The following HADHA variants were observed in gnomAD, a reference collection of about 807,000 sequenced individuals.
HADHA encodes the protein hydroxyacyl-CoA dehydrogenase trifunctional multienzyme complex subunit alpha, also known as trifunctional enzyme subunit alpha, mitochondrial.
Under a neutral mutation model 91.3 loss-of-function variants are expected in HADHA, and 59 were observed. The observed-to-expected ratio is 0.65, with a 90% CI of 0.52 to 0.80. The LOEUF is 0.80. HADHA is among the 30% of genes least tolerant of loss of function. The pLI, the probability that HADHA is intolerant of heterozygous loss-of-function variation, is 0.00. For synonymous variants in HADHA, 320 were observed against 338.9 expected, an observed-to-expected ratio of 0.94 and a Z score of 0.61; for missense variants, 800 against 927.6, an observed-to-expected ratio of 0.86 and a Z score of 1.79.
Position 26,197,769 on chromosome 2 carries a change from TG to T in HADHA, c.1400del (p.Pro467GlnfsTer28). ...RVLKEVEAVI[P>X]DHCIFASNTS... ...TGTTACTGGCAAAGATACAGTGATC[TG>T]GAATCACCTGCAGGGGAAAAGCATT... On this transcript the variant is annotated frameshift_variant, in exon 14 of 20. Transcript: ENST00000380649. LOFTEE classifies it high-confidence loss of function. The T allele has an allele frequency of 6.7e-7, 1 of 1,482,042 alleles. No homozygotes were observed. The highest frequency in any genetic ancestry group is 9.4e-7 in the Non-Finnish European group (1 of 1,059,176). The allele number at this position is 1,482,042 out of a possible 1,614,324, so 91.8% of individuals were successfully genotyped here.
chr2:26,199,642 T>C lies in HADHA; in HGVS notation c.1392+1507A>G, dbSNP rs185977629. ...TTGTGACTTGTTTTTATCAACACAA[T>C]GCAGCAGAAGTTACCCTGCCAGTTC... On this transcript the variant is annotated intron_variant, in intron 13 of 19. Coordinates refer to ENST00000380649, the MANE Select transcript of HADHA (RefSeq NM_000182.5). Among the ~76,000 whole-genome samples the C allele has an allele frequency of 1.4e-3, 207 of 152,316 alleles. 6 individuals carry two copies. Among genetic ancestry groups the C allele is most frequent in the African/African-American group, 4.7e-3 (196 of 41,572 alleles).
In HADHA at chr2:26,191,304, T is replaced by A. The variant is rs1558313262; in HGVS notation, c.2238A>T (p.Pro746=). Residue 746 remains proline (P), a synonymous_variant, in exon 20 of 20, where the codon CCA becomes CCT. Transcript: ENST00000380649. ...TAGCATGGTCAGCTAGCAGCTGGCA[T>A]GGGGTGAACTGTTTTCCATAGGCAG... ...YEAAYGKQFT[P]CQLLADHANS... 6.2e-7 allele frequency: 1 copy of A among 1,613,546 alleles called. No individual in the cohort carries two copies. The highest frequency in any genetic ancestry group is 1.1e-5 in the South Asian group (1 of 91,046).
In HADHA at chr2:26,192,436, A is replaced by C; in HGVS notation, c.1886-12T>G. 1 of 1,310,320 alleles carries C rather than the reference A, an allele frequency of 7.6e-7. No homozygotes were observed. The highest frequency in any genetic ancestry group is 1.2e-5 in the South Asian group (1 of 85,088). 81.2% of individuals were successfully genotyped at this position (1,310,320 alleles called of 1,614,324 possible). A position where few individuals can be genotyped will look rare whatever the true frequency, so the allele number is the denominator to read the frequency against. On this transcript the variant is annotated splice_polypyrimidine_tract_variant and intron_variant, in intron 17 of 19. Coordinates refer to ENST00000380649, the MANE Select transcript of HADHA (RefSeq NM_000182.5). ...CCCAGATTTACGACCTAAAACAGGC[A>C]AGAAAAGGGAGTGTTACTATTTGTT...
At chr2:26,230,020 G>A (rs1332932958) in intron 7 of HADHA, among the ~76,000 whole-genome samples, 172 bp downstream of exon 7, 2 of 152,198 alleles carry the variant, frequency 1.3e-5, no homozygotes, top group Non-Finnish European at 2.9e-5. Context: ...ACAGGGTTTC[G>A]CCATGTTGGC....
At chr2:26,199,702 C>G (rs1669779630) in intron 13 of HADHA, among the ~76,000 whole-genome samples, 1 of 152,120 alleles carries the variant, frequency 6.6e-6, no homozygotes, top group Non-Finnish European at 1.5e-5. Flanking sequence ...CCGGTAGCCT[C>G]TTTTTTTATT....
At chr2:26,192,183 A>G in intron 18 of HADHA, 127 bp downstream of exon 18, 1 of 659,294 alleles carries the variant, frequency 1.5e-6, no homozygotes, top group Non-Finnish European at 2.7e-6. Context: ...ATACCTATGT[A>G]ACAAACCTGC....
In HADHA at chr2:26,232,195, G is replaced by A. The variant is rs757597566; in HGVS notation, c.538C>T (p.Pro180Ser). 3.7e-6 allele frequency: 6 copies of A among 1,610,562 alleles called. No homozygotes were observed. Among genetic ancestry groups the A allele is most frequent in the East Asian group, 2.2e-5 (1 of 44,868 alleles). Residue 180 changes from proline to serine, a missense_variant, in exon 6 of 20, where the codon CCA becomes TCA. Physicochemically the swap from Pro to Ser is moderately conservative, Grantham distance 74 (BLOSUM62 -1). Coordinates refer to ENST00000380649, the MANE Select transcript of HADHA (RefSeq NM_000182.5). ...AGCCTTTGTGTGCCTCCTGCTCCTG[G>A]TAAGGCCCCCAGCAAAACTTCAGGG... ...GTPEVLLGAL[P>S]GAGGTQRLPK...
At position 26,210,719 on chromosome 2, in the gene HADHA, T is replaced by C. The variant is rs1335275115; in HGVS notation, c.976-830A>G. On this transcript the variant is annotated intron_variant, in intron 10 of 19. Coordinates refer to ENST00000380649, the MANE Select transcript of HADHA (RefSeq NM_000182.5). This position sits in a 1 kb window ranked among gnomAD's most constrained non-coding sequence, Gnocchi z 4.0. ...CCACTTTTAAAAGTAGCTTAATTTA[T>C]GGAGAAAAAGTCTCAACTTGGTGGT... 1 of 152,228 alleles carries C rather than the reference T, an allele frequency of 6.6e-6. No homozygotes were observed. The highest frequency in any genetic ancestry group is 1.5e-5 in the Non-Finnish European group (1 of 68,046). 9.4% of individuals were successfully genotyped at this position (152,228 alleles called of 1,614,324 possible).
At chr2:26,223,741 TTTTA>T (rs1216793285) in intron 7 of HADHA, among the ~76,000 whole-genome samples, 2 of 152,108 alleles carry the variant, frequency 1.3e-5, no homozygotes, top group Admixed American at 6.6e-5. Context: ...AGGGGAAATC[TTTTA>T]TTTATTTATT....
chr2:26,241,963 G>A (rs1424424904), intron 1 of HADHA, among the ~76,000 whole-genome samples: 1 of 151,590 alleles, frequency 6.6e-6, no homozygotes, highest in African/African-American at 2.4e-5. Context: ...TCCTCCAGGT[G>A]TGATCTTGGC....
At position 26,194,700 on chromosome 2, in the gene HADHA, T is replaced by C. The variant is rs560988476; in HGVS notation, c.1621-62A>G. ...TGCTGGGACTGAGTCTGAAACACTC[T>C]ACCTTTCCCAGGGTCACTTCAAAGT... On this transcript the variant is annotated intron_variant, in intron 15 of 19. Coordinates refer to ENST00000380649, the MANE Select transcript of HADHA (RefSeq NM_000182.5). 3.6e-4 allele frequency: 373 copies of C among 1,049,182 alleles called. 1 individual carries two copies. The highest frequency in any genetic ancestry group is 1.7e-3 in the South Asian group (134 of 79,140). The allele number at this position is 1,049,182 out of a possible 1,614,324, so 65.0% of individuals were successfully genotyped here. A position where few individuals can be genotyped will look rare whatever the true frequency, so the allele number is the denominator to read the frequency against.
At chr2:26,232,308 GT>G in intron 5 of HADHA, 29 bp from the exon 6 acceptor site, 1 of 1,546,634 alleles carries the variant, frequency 6.5e-7, no homozygotes, top group Non-Finnish European at 8.9e-7. Context: ...AAATTAGAAT[GT>G]TAGAAAATGT....
At chr2:26,195,064 T>A in intron 15 of HADHA, 28 bp downstream of exon 15, 1 of 1,596,870 alleles carries the variant, frequency 6.3e-7, no homozygotes, top group Non-Finnish European at 8.6e-7. Context: ...TTTCAAAAAC[T>A]CTGCAGCTCT....
At chr2:26,215,006 T>C in intron 8 of HADHA, 47 bp downstream of exon 8, 5 of 1,523,176 alleles carry the variant, frequency 3.3e-6, no homozygotes, top group Non-Finnish European at 4.6e-6. Context: ...TAAAATTAAA[T>C]TCTCAGGAAA....
chr2:26,208,958 G>A (rs1670029145), intron 11 of HADHA, among the ~76,000 whole-genome samples: 1 of 152,212 alleles, frequency 6.6e-6, no homozygotes, highest in African/African-American at 2.4e-5. Flanking sequence ...CATTAAAGGT[G>A]AGAGGATGGA....
At chr2:26,217,177 C>A (rs933558943) in intron 7 of HADHA, among the ~76,000 whole-genome samples, 1 of 150,932 alleles carries the variant, frequency 6.6e-6, no homozygotes, top group South Asian at 2.1e-4. Flanking sequence ...GGCAAGACCC[C>A]GTCTGAAAAA....
intron 14 of HADHA, among the ~76,000 whole-genome samples, chr2:26,196,977 A>C (rs911055270): frequency 1.3e-5 from 2 of 152,242 alleles, no homozygotes; most frequent in East Asian, 3.8e-4. Context: ...ACCTTGCATT[A>C]GCAAGCTAGA....
At chr2:26,220,353 G>A (rs1401580585) in intron 7 of HADHA, among the ~76,000 whole-genome samples, 1 of 152,214 alleles carries the variant, frequency 6.6e-6, no homozygotes, top group Non-Finnish European at 1.5e-5. Flanking sequence ...GGTGGGAAAG[G>A]CCAAGTAAAA....
intron 11 of HADHA, among the ~76,000 whole-genome samples, chr2:26,205,604 A>C (rs1456382440): frequency 3.9e-5 from 6 of 152,218 alleles, no homozygotes; most frequent in African/African-American, 1.4e-4. Context: ...CGGGCAGATC[A>C]CAAGGTCAGG....
Sources: gnomAD v4.1 joint callset for allele counts (sites outside exome capture counted in the v4.1 genomes callset) on GRCh38, gnomAD v4.1.1 for gene constraint, Gnocchi (gnomAD v3.1) non-coding constraint, MANE v1.5 for transcripts, NCBI Gene and HGNC (gene_info 2026-07-23, HGNC 2026-07-21) for gene names.